The following HK3 variants were observed in gnomAD, a reference collection of about 807,000 sequenced individuals.
HK3 encodes the protein hexokinase 3.
In HK3, 93 loss-of-function variants were observed where a neutral mutation model predicts 91.0. The observed-to-expected ratio is 1.02, with a 90% confidence interval of 0.86 to 1.21. The LOEUF is 1.21. Ranked by LOEUF, HK3 falls within the 50% of genes most tolerant of loss-of-function variation. The pLI, the probability that HK3 is intolerant of heterozygous loss-of-function variation, is 0.00. For synonymous variants in HK3, 519 were observed against 516.9 expected, an observed-to-expected ratio of 1.00 and a Z score of -0.06; for missense variants, 1,235 against 1,247.4, an observed-to-expected ratio of 0.99 and a Z score of 0.15.
At chr5:176,882,989 C>T (rs1450196911) in intron 15 of HK3, among the ~76,000 whole-genome samples, 2 of 152,210 alleles carry the variant, frequency 1.3e-5, no homozygotes, top group Non-Finnish European at 2.9e-5. Context: ...GCCCCAGGAG[C>T]TGTGGGATCC....
chr5:176,896,013 C>T (rs762682529), intron 2 of HK3, 51 bp downstream of exon 2: 20 of 1,484,020 alleles, frequency 1.3e-5, no homozygotes, highest in Non-Finnish European at 1.7e-5. Context: ...AGTCACGCTG[C>T]TCTTGAAGGC....
In HK3 at chr5:176,884,295, C is replaced by T. The variant is rs147392589; in HGVS notation, c.1858-161G>A. On this transcript the variant is annotated intron_variant, in intron 13 of 18. Coordinates refer to ENST00000292432, the MANE Select transcript of HK3 (RefSeq NM_002115.3). The surrounding 1 kb of genome is among the most constrained non-coding windows in gnomAD (Gnocchi z 4.1). ...ATGGTTGAAGGCCTTGCCCTCTGCC[C>T]GCTCCCTACTCCCCAGGAGGCTTTC... is the stretch of plus-strand genomic sequence containing the variant. Among the ~76,000 whole-genome samples the T allele has an allele frequency of 8.6e-3, 1,315 of 152,296 alleles. 6 individuals carry two copies. Among genetic ancestry groups the T allele is most frequent in the South Asian group, 0.024 (117 of 4,828 alleles).
At chr5:176,893,988 T>A (rs1375352806) in intron 2 of HK3, among the ~76,000 whole-genome samples, 1 of 152,158 alleles carries the variant, frequency 6.6e-6, no homozygotes, top group Non-Finnish European at 1.5e-5. Flanking sequence ...GCCCATCACC[T>A]CACCTCTCTG....
Position 176,882,008 on chromosome 5 carries a change from C to T in HK3, c.2173G>A (p.Ala725Thr). The part of the protein sequence containing the change: ...WGAFGDDGSL[A>T]MLSTRFDASV... The stretch of plus-strand genomic sequence containing the variant: ...GCATCAAAGCGGGTGCTGAGCATGG[C>T]CAGAGAGCCATCGTCCCCAAAGGCG... The change falls in exon 16 of 19, where the codon GCC (alanine) becomes ACC (threonine). Residue 725 changes from alanine to threonine, a missense_variant. Physicochemically the swap from Ala to Thr is moderately conservative, Grantham distance 58. This residue lies in a region of HK3 where 513 missense variants were observed against 477.4 expected (regional missense o/e 1.07). Coordinates refer to ENST00000292432, the MANE Select transcript of HK3 (RefSeq NM_002115.3). 4 of 1,613,342 alleles carry T rather than the reference C, an allele frequency of 2.5e-6. No individual in the cohort carries two copies. The highest frequency in any genetic ancestry group is 3.4e-6 in the Non-Finnish European group (4 of 1,180,020).
chr5:176,882,596 G>A (rs1758471233), intron 15 of HK3, among the ~76,000 whole-genome samples: 1 of 152,214 alleles, frequency 6.6e-6, no homozygotes, highest in Admixed American at 6.5e-5. Flanking sequence ...GCAATGAATA[G>A]CCAGCTCTGA....
At chr5:176,896,503 C>T (rs899833468) in intron 1 of HK3, among the ~76,000 whole-genome samples, 1 of 152,326 alleles carries the variant, frequency 6.6e-6, no homozygotes, top group Middle Eastern at 3.4e-3. Flanking sequence ...AGACCTAGGC[C>T]CTGCCCTCAG....
In HK3 at chr5:176,896,188, A is replaced by G. The variant is rs1388783831; in HGVS notation, c.-26-3T>C. The G allele has an allele frequency of 1.9e-6, 3 of 1,543,288 alleles. No individual in the cohort carries two copies. The highest frequency in any genetic ancestry group is 1.4e-5 in the African/African-American group (1 of 72,582). On this transcript the variant is annotated splice_polypyrimidine_tract_variant and splice_region_variant and intron_variant, in intron 1 of 18. Transcript: ENST00000292432. The stretch of plus-strand genomic sequence containing the variant: ...CTTCCACAGTGGAAGGTGGCCACCT[A>G]TGGGAGAAAAGGGACAACCTGGGTC...
Position 176,889,566 on chromosome 5 carries a change from T to A in HK3, c.731-2A>T. The A allele has an allele frequency of 6.2e-7, 1 of 1,614,138 alleles. No individual in the cohort carries two copies. Among genetic ancestry groups the A allele is most frequent in the Non-Finnish European group, 8.5e-7 (1 of 1,179,972 alleles). ...TGTAACACGCGTTGGTGCCCGTGTC[T>A]GGCAGAGACAACCCTGTCAAGGCCT... On this transcript the variant is annotated splice_acceptor_variant, in intron 7 of 18. Transcript: ENST00000292432. LOFTEE classifies it high-confidence loss of function.
At chr5:176,886,521 A>C (rs75536813) in intron 13 of HK3, among the ~76,000 whole-genome samples, 7 of 152,040 alleles carry the variant, frequency 4.6e-5, no homozygotes, top group Non-Finnish European at 8.8e-5. Context: ...ATCCTTGTGT[A>C]AGAACAAGCT....
chr5:176,883,006 C>T (rs949778761), intron 15 of HK3, among the ~76,000 whole-genome samples: 2 of 152,208 alleles, frequency 1.3e-5, no homozygotes, highest in Admixed American at 1.3e-4. Flanking sequence ...ATCCCTCCTC[C>T]CCAACAGAGC....
intron 2 of HK3, among the ~76,000 whole-genome samples, chr5:176,894,284 T>C (rs1758852318): frequency 6.6e-6 from 1 of 152,134 alleles, no homozygotes; most frequent in South Asian, 2.1e-4. Flanking sequence ...TTTTTCAACC[T>C]AAGGTCATGG....
rs1236385828 is a variant in HK3 at position 176,881,079 on chromosome 5, A to G, written c.2766T>C (p.Arg922=). Residue 922 remains arginine, a synonymous_variant, in exon 19 of 19, where the codon CGT becomes CGC. Coordinates refer to ENST00000292432, the MANE Select transcript of HK3 (RefSeq NM_002115.3). The part of the protein sequence containing the change: ...AVACRLAQLT[R]V ...CCTCAGCCTGGAGGTTTCCTCAGAC[A>G]CGAGTCAACTGCGCAAGGCGGCAGG... 6.2e-7 allele frequency: 1 copy of G among 1,601,216 alleles called. No homozygotes were observed. Among genetic ancestry groups the G allele is most frequent in the Non-Finnish European group, 8.5e-7 (1 of 1,173,448 alleles).
intron 13 of HK3, among the ~76,000 whole-genome samples, chr5:176,886,468 G>C (rs1174771986): frequency 3.3e-5 from 5 of 151,930 alleles, no homozygotes; most frequent in Non-Finnish European, 7.4e-5. Flanking sequence ...GGGAGGTATT[G>C]TTTCCGTGAC....
intron 6 of HK3, among the ~76,000 whole-genome samples, chr5:176,890,168 A>T (rs1758727866): frequency 6.6e-6 from 1 of 151,420 alleles, no homozygotes; most frequent in African/African-American, 2.4e-5. Context: ...CAGCATCCAG[A>T]CTCTTGTGTG....
intron 1 of HK3, among the ~76,000 whole-genome samples, chr5:176,899,047 A>G (rs191020675): frequency 1.3e-5 from 2 of 152,230 alleles, no homozygotes; most frequent in East Asian, 3.9e-4. Context: ...AGGTGGGAGG[A>G]TCACTTGAAC....
chr5:176,888,865 C>A lies in HK3; in HGVS notation c.915-1G>T. 1.9e-6 allele frequency: 3 copies of A among 1,612,846 alleles called. No homozygotes were observed. The highest frequency in any genetic ancestry group is 2.5e-6 in the Non-Finnish European group (3 of 1,179,066). On this transcript the variant is annotated splice_acceptor_variant, in intron 8 of 18. Transcript: ENST00000292432. LOFTEE classifies it high-confidence loss of function. ...CAGGCCTCCGATCATCTTCTCAAAC[C>A]TGCAGGGGGGAAGGGTGGCTGGAGG... is the stretch of plus-strand genomic sequence containing the variant.
At position 176,887,846 on chromosome 5, in the gene HK3, C is replaced by G. The variant is rs1758643709; in HGVS notation, c.1305-100G>C. On this transcript the variant is annotated intron_variant, in intron 10 of 18. Coordinates refer to ENST00000292432, the MANE Select transcript of HK3 (RefSeq NM_002115.3). This position sits in a 1 kb window ranked among gnomAD's most constrained non-coding sequence, Gnocchi z 4.9. ...GGACCCCCAGATACATACAGGTGTG[C>G]CCAGCTTGGCCCCAGACCCCTAGGG... 1 of 1,289,444 alleles carries G rather than the reference C, an allele frequency of 7.8e-7. No homozygotes were observed. Among genetic ancestry groups the G allele is most frequent in the Admixed American group, 2.5e-5 (1 of 39,968 alleles). 79.9% of individuals were successfully genotyped at this position (1,289,444 alleles called of 1,614,324 possible). A position where few individuals can be genotyped will look rare whatever the true frequency, so the allele number is the denominator to read the frequency against.
intron 8 of HK3, 66 bp downstream of exon 8, chr5:176,889,315 G>T: frequency 6.6e-7 from 1 of 1,521,546 alleles, no homozygotes; most frequent in Non-Finnish European, 9.0e-7. Context: ...GGGACAGAAG[G>T]GGTTGGGAGC....
rs146374391 is a variant in HK3 at position 176,881,188 on chromosome 5, C to T, written c.2657G>A (p.Arg886Gln). ...RFSSLVAATV[R>Q]ELAPRCVVTF... ...GACCACACAGCGAGGGGCCAGCTCC[C>T]GCACTGTGGCCGCCACCAGGCTGGA... is the stretch of plus-strand genomic sequence containing the variant. Residue 886 changes from arginine (R) to glutamine (Q), a missense_variant, in exon 19 of 19, where the codon CGG becomes CAG. By Grantham distance (43) the Arg-to-Gln change is conservative. This residue lies in a region of HK3 where 513 missense variants were observed against 477.4 expected (regional missense o/e 1.07). Transcript: ENST00000292432. 2.7e-5 allele frequency: 43 copies of T among 1,613,040 alleles called. No homozygotes were observed. Among genetic ancestry groups the T allele is most frequent in the Non-Finnish European group, 3.1e-5 (36 of 1,179,950 alleles).
Sources: allele counts gnomAD v4.1 joint callset (sites outside exome capture counted in the v4.1 genomes callset), GRCh38; gene constraint gnomAD v4.1.1; regional missense constraint gnomAD v4.1.1; non-coding constraint Gnocchi (gnomAD v3.1); transcripts MANE v1.5; gene names NCBI Gene and HGNC (gene_info 2026-07-23, HGNC 2026-07-21).